Variants in EPHA6 observed in about 807,000 individuals in gnomAD.
The protein encoded by EPHA6 is EPH receptor A6.
A neutral mutation model predicts 112.0 loss-of-function variants in EPHA6; 50 were observed. The ratio of observed to expected loss-of-function variants is 0.45; its 90% CI spans 0.36 to 0.56. The LOEUF is 0.56. Among genes scored for constraint, EPHA6 ranks in the 20% least tolerant of loss-of-function variants. The pLI, the probability that EPHA6 is intolerant of heterozygous loss-of-function variation, is 0.00. For synonymous variants in EPHA6, 529 were observed against 490.7 expected (o/e 1.08, Z -1.03); for missense variants, 1,280 against 1,417.4 (o/e 0.90, Z 1.56).
At chr3:97,030,130 C>A (rs917610646) in intron 3 of EPHA6, among the ~76,000 whole-genome samples, 4 of 152,076 alleles carry the variant, frequency 2.6e-5, no homozygotes, top group Non-Finnish European at 4.4e-5. Context: ...TTTCCTTTCT[C>A]CAAATCAGTT....
chr3:96,942,128 C>T (rs2107690432), intron 2 of EPHA6, among the ~76,000 whole-genome samples: 1 of 152,298 alleles, frequency 6.6e-6, no homozygotes, highest in Middle Eastern at 3.4e-3. Context: ...AGAACCACTA[C>T]TCTCCTCAAA....
At chr3:97,305,408 A>G (rs1405394755) in intron 5 of EPHA6, among the ~76,000 whole-genome samples, 1 of 152,098 alleles carries the variant, frequency 6.6e-6, no homozygotes, top group Non-Finnish European at 1.5e-5. Flanking sequence ...TTATAAAGAT[A>G]CATGCACATG....
intron 12 of EPHA6, among the ~76,000 whole-genome samples, chr3:97,602,057 C>T (rs923283816): frequency 3.3e-5 from 5 of 152,030 alleles, no homozygotes; most frequent in Non-Finnish European, 1.5e-5. Flanking sequence ...GTAACACTTT[C>T]TCTAGTGTCT....
intron 15 of EPHA6, among the ~76,000 whole-genome samples, chr3:97,725,189 T>G (rs2034706105): frequency 6.6e-6 from 1 of 152,136 alleles, no homozygotes; most frequent in Non-Finnish European, 1.5e-5. Flanking sequence ...CGCTGTCTGC[T>G]TCTTTACATT....
intron 5 of EPHA6, among the ~76,000 whole-genome samples, chr3:97,290,362 G>A (rs1043403386): frequency 6.6e-6 from 1 of 152,072 alleles, no homozygotes; most frequent in Non-Finnish European, 1.5e-5. Context: ...CTAAGTATGT[G>A]GTGGATCTTG....
At chr3:96,973,263 C>CT (rs1488239513) in intron 2 of EPHA6, among the ~76,000 whole-genome samples, 6 of 152,114 alleles carry the variant, frequency 3.9e-5, no homozygotes, top group Non-Finnish European at 8.8e-5. Flanking sequence ...CAAATATTCA[C>CT]TTCAGATGAT....
intron 11 of EPHA6, chr3:97,559,553 G>C (rs1253035878): frequency 2.2e-6 from 1 of 446,484 alleles, no homozygotes; most frequent in South Asian, 1.6e-5. Flanking sequence ...TACCAAACCT[G>C]TGTTGCCTAC....
At chr3:97,322,993 T>C (rs1326721710) in intron 5 of EPHA6, among the ~76,000 whole-genome samples, 1 of 152,038 alleles carries the variant, frequency 6.6e-6, no homozygotes. Context: ...TTAATGTTAA[T>C]TGAAGTTATT....
chr3:97,330,615 A>G (rs1035168896), intron 5 of EPHA6, among the ~76,000 whole-genome samples: 4 of 152,036 alleles, frequency 2.6e-5, no homozygotes, highest in Non-Finnish European at 4.4e-5. Context: ...GCTAAAACAG[A>G]CTTTAAACCA....
chr3:97,223,860 G>A (rs1207582746), intron 3 of EPHA6, among the ~76,000 whole-genome samples: 3 of 151,998 alleles, frequency 2.0e-5, no homozygotes, highest in Non-Finnish European at 2.9e-5. Flanking sequence ...TAATATGGTC[G>A]GAAATTATAA....
At chr3:97,615,604 A>G (rs1029193961) in intron 13 of EPHA6, among the ~76,000 whole-genome samples, 3 of 152,082 alleles carry the variant, frequency 2.0e-5, no homozygotes, top group African/African-American at 7.2e-5. Context: ...GCAGGCCTCC[A>G]TCTTTATTGT....
chr3:97,319,894 C>T (rs1282448984), intron 5 of EPHA6, among the ~76,000 whole-genome samples: 1 of 151,884 alleles, frequency 6.6e-6, no homozygotes, highest in Non-Finnish European at 1.5e-5. Flanking sequence ...TATGTCATAA[C>T]TGTAGGGGTA....
chr3:97,488,815 G>C (rs1043103118), intron 10 of EPHA6, among the ~76,000 whole-genome samples: 1 of 152,154 alleles, frequency 6.6e-6, no homozygotes, highest in African/African-American at 2.4e-5. Context: ...TGAAAACTTT[G>C]CATGTTGAGT....
At chr3:97,034,693 C>A (rs941649706) in intron 3 of EPHA6, among the ~76,000 whole-genome samples, 2 of 151,874 alleles carry the variant, frequency 1.3e-5, no homozygotes, top group Non-Finnish European at 2.9e-5. Context: ...ATTGCCTATA[C>A]CAGTTGTTTT....
rs573551958 is a variant in EPHA6 at position 96,900,489 on chromosome 3, C to T, written c.450+33600C>T. The stretch of plus-strand genomic sequence containing the variant: ...TTACTGAAAATAAAATTAAGTGGTA[C>T]TGAAAATCATCAGAATATCATTGAA... On this transcript the variant is annotated intron_variant, in intron 2 of 17. Coordinates refer to ENST00000389672, the MANE Select transcript of EPHA6 (RefSeq NM_001080448.3). Among the ~76,000 whole-genome samples, 5 of 152,196 alleles carry T rather than the reference C, an allele frequency of 3.3e-5. No individual in the cohort carries two copies. In the South Asian group the frequency reaches 1.0e-3, roughly 32 times the overall value.
At chr3:97,025,315 G>T (rs142686663) in intron 3 of EPHA6, among the ~76,000 whole-genome samples, 1 of 152,194 alleles carries the variant, frequency 6.6e-6, no homozygotes, top group East Asian at 1.9e-4. Flanking sequence ...GAGAGAGAGA[G>T]AATGAGTAAA....
chr3:97,413,467 C>T (rs550121004), intron 6 of EPHA6, among the ~76,000 whole-genome samples: 14 of 151,862 alleles, frequency 9.2e-5, no homozygotes, highest in African/African-American at 3.4e-4. Context: ...TCTGATTAGC[C>T]CCAATGAATC....
intron 1 of EPHA6, among the ~76,000 whole-genome samples, chr3:96,830,981 A>G (rs2034034270): frequency 1.3e-5 from 2 of 151,968 alleles, no homozygotes; most frequent in South Asian, 4.1e-4. Flanking sequence ...ATATGTATAT[A>G]TATACACACA....
intron 14 of EPHA6, among the ~76,000 whole-genome samples, chr3:97,655,969 C>A (rs1308148524): frequency 6.6e-6 from 1 of 151,648 alleles, no homozygotes; most frequent in African/African-American, 2.4e-5. Context: ...AAACACACCT[C>A]AAAATGTTTT....
Sources: gnomAD v4.1 joint callset for allele counts (sites outside exome capture counted in the v4.1 genomes callset) on GRCh38, gnomAD v4.1.1 for gene constraint, MANE v1.5 for transcripts, NCBI Gene and HGNC (gene_info 2026-07-23, HGNC 2026-07-21) for gene names.